The following FGF13 variants were observed in gnomAD, a reference collection of about 807,000 sequenced individuals.
FGF13 encodes fibroblast growth factor homologous factor 2.
In FGF13, 2 loss-of-function variants were observed where a neutral mutation model predicts 19.5. That is an observed-to-expected ratio of 0.10 (90% CI 0.04 to 0.32). FGF13 has a LOEUF of 0.32. Ranked by LOEUF, FGF13 falls within the 10% of genes least tolerant of loss-of-function variation. FGF13 has a pLI of 1.00. For missense variants in FGF13, 113 were observed against 192.7 expected (o/e 0.59, Z 2.45); for synonymous variants, 72 against 76.9 (o/e 0.94, Z 0.33).
intron 1 of FGF13, among the ~76,000 whole-genome samples, chrX:138,738,732 G>C (rs1197128122): frequency 8.9e-6 from 1 of 112,138 alleles, no homozygotes; most frequent in African/African-American, 3.2e-5. Context: ...CAAAATTAAA[G>C]TGTGATTGTG....
chrX:138,937,575 G>A (rs1603048063), intron 1 of FGF13, among the ~76,000 whole-genome samples: 1 of 112,106 alleles, frequency 8.9e-6, no homozygotes, highest in Non-Finnish European at 1.9e-5. Flanking sequence ...AGCTATGTAC[G>A]TATGACTGCA....
chrX:138,646,670 T>C (rs2089310371), intron 3 of FGF13, among the ~76,000 whole-genome samples: 1 of 112,222 alleles, frequency 8.9e-6, no homozygotes, highest in Non-Finnish European at 1.9e-5. Context: ...GGTTTTTTAT[T>C]TCCAGTGAAC....
intron 1 of FGF13, among the ~76,000 whole-genome samples, chrX:138,721,733 A>G (rs2090148850): frequency 9.1e-6 from 1 of 110,196 alleles, no homozygotes; most frequent in Non-Finnish European, 1.9e-5. Flanking sequence ...ATTGGTAGAA[A>G]TACTATATAT....
intron 1 of FGF13, among the ~76,000 whole-genome samples, chrX:138,930,514 A>T (rs995592709): frequency 8.9e-6 from 1 of 112,116 alleles, no homozygotes; most frequent in African/African-American, 3.2e-5. Context: ...AAAAATGAAG[A>T]TGTATGAACA....
chrX:139,136,265 A>G (rs2083799486), intron 1 of FGF13, among the ~76,000 whole-genome samples: 1 of 111,282 alleles, frequency 9.0e-6, no homozygotes, highest in Non-Finnish European at 1.9e-5. Context: ...GATGAATTCT[A>G]TAGTGGTGAA....
chrX:138,812,293 A>G (rs1011703504), intron 3 of FGF13, among the ~76,000 whole-genome samples: 1 of 111,891 alleles, frequency 8.9e-6, no homozygotes, highest in African/African-American at 3.2e-5. Flanking sequence ...ATCTTTACCC[A>G]TTCATCAGGT....
At position 138,632,713 on chromosome X, in the gene FGF13, T is replaced by A. The variant is rs180744669; in HGVS notation, c.*137A>T. ...GATGATAAGAAGGTCTAATGGCAGATAGAATAGTGAACTCTGCCTGTTTGT... is the reference window on the plus strand; with the variant it reads ...GATGATAAGAAGGTCTAATGGCAGAAAGAATAGTGAACTCTGCCTGTTTGT... On this transcript the variant is annotated 3_prime_UTR_variant, in exon 5 of 5. Transcript: ENST00000315930. 2.1e-3 allele frequency: 1,332 copies of A among 648,154 alleles called. 1 individual carries two copies. The highest frequency in any genetic ancestry group is 2.8e-3 in the Non-Finnish European group (1,226 of 431,976). 53.4% of individuals were successfully genotyped at this position (648,154 alleles called of 1,213,427 possible). A position where few individuals can be genotyped will look rare whatever the true frequency, so the allele number is the denominator to read the frequency against.
At chrX:139,191,432 G>A (rs1383374876) in intron 1 of FGF13, among the ~76,000 whole-genome samples, 1 of 112,048 alleles carries the variant, frequency 8.9e-6, no homozygotes, top group East Asian at 2.8e-4. Flanking sequence ...GTGGGGTGGA[G>A]GGAGGAAGCT....
At chrX:138,961,309 C>A (rs952331665) in intron 1 of FGF13, among the ~76,000 whole-genome samples, 62 of 111,638 alleles carry the variant, frequency 5.6e-4, no homozygotes, top group Admixed American at 3.8e-4. Flanking sequence ...AGGTCCACTC[C>A]AGACCCTGTT....
At chrX:138,835,124 T>C (rs1334463872) in intron 3 of FGF13, among the ~76,000 whole-genome samples, 2 of 111,832 alleles carry the variant, frequency 1.8e-5, no homozygotes, top group Non-Finnish European at 3.8e-5. Flanking sequence ...TGAGAACGTA[T>C]ATTCTATTGT....
intron 1 of FGF13, among the ~76,000 whole-genome samples, chrX:138,982,047 G>A (rs778795694): frequency 1.8e-5 from 2 of 111,724 alleles, no homozygotes; most frequent in African/African-American, 3.3e-5. Flanking sequence ...AACTAACAGC[G>A]GAGGACATGA....
At chrX:138,763,042 G>C (rs748237519) in intron 3 of FGF13, among the ~76,000 whole-genome samples, 1 of 110,814 alleles carries the variant, frequency 9.0e-6, no homozygotes, top group South Asian at 3.8e-4. Context: ...TACCATACTT[G>C]ACTATAAGTA....
At chrX:139,179,466 A>C (rs2084222052) in intron 1 of FGF13, among the ~76,000 whole-genome samples, 1 of 109,531 alleles carries the variant, frequency 9.1e-6, no homozygotes, top group African/African-American at 3.3e-5. Context: ...AAAAAAAAAA[A>C]CATGCAGAGG....
downstream of FGF13, among the ~76,000 whole-genome samples, chrX:138,854,429 G>A (rs754661070): frequency 5.4e-5 from 6 of 111,048 alleles, no homozygotes; most frequent in African/African-American, 2.0e-4. Flanking sequence ...GGCCCTGGAC[G>A]TAAGACAAAA....
intron 1 of FGF13, among the ~76,000 whole-genome samples, chrX:138,729,964 G>T (rs768522653): frequency 9.0e-6 from 1 of 110,938 alleles, no homozygotes; most frequent in East Asian, 2.8e-4. Flanking sequence ...AAAGATCAAG[G>T]TAAAATAAAT....
chrX:139,193,460 CAG>C (rs1371409669), intron 1 of FGF13, among the ~76,000 whole-genome samples: 4 of 111,319 alleles, frequency 3.6e-5, no homozygotes, highest in Non-Finnish European at 7.5e-5. Context: ...CCAGTCTATT[CAG>C]AGAGATAAGA....
At chrX:139,164,498 C>A (rs1481269598) in intron 1 of FGF13, among the ~76,000 whole-genome samples, 1 of 109,559 alleles carries the variant, frequency 9.1e-6, no homozygotes, top group East Asian at 2.8e-4. Flanking sequence ...TCGAGAGCAG[C>A]TTGGGCAACA....
chrX:138,882,620 G>C (rs774712804), intron 1 of FGF13, among the ~76,000 whole-genome samples: 1 of 111,713 alleles, frequency 9.0e-6, no homozygotes, highest in East Asian at 2.8e-4. Flanking sequence ...GGAAACTCAA[G>C]CCATCCAGGG....
rs1447382855 is a variant in FGF13 at position 138,620,906 on chromosome X, A to C, written c.*11944T>G. The C allele has an allele frequency of 3.6e-5, 4 of 112,407 alleles. No homozygotes were observed. Among genetic ancestry groups the C allele is most frequent in the Non-Finnish European group, 7.5e-5 (4 of 53,263 alleles). The allele number at this position is 112,407 out of a possible 1,213,427, so 9.3% of individuals were successfully genotyped here. On this transcript the variant is annotated 3_prime_UTR_variant, in exon 5 of 5. Transcript: ENST00000315930. ...AGACAAAGAATGCCATTATATAAAA[A>C]TAAATGAGTCAATTCATCAACAAGA...
Sources: allele counts gnomAD v4.1 joint callset (sites outside exome capture counted in the v4.1 genomes callset), GRCh38; gene constraint gnomAD v4.1.1; transcripts MANE v1.5; gene names NCBI Gene and HGNC (gene_info 2026-07-23, HGNC 2026-07-21).